Variants in GRIP1 observed in about 807,000 individuals in gnomAD.
GRIP1 encodes glutamate receptor-interacting protein 1.
Under a neutral mutation model 129.9 loss-of-function variants are expected in GRIP1, and 45 were observed. The observed-to-expected ratio is 0.35, with a 90% CI of 0.27 to 0.44. GRIP1 has a LOEUF of 0.44. Among genes scored for constraint, GRIP1 ranks in the 20% least tolerant of loss-of-function variants. The pLI, the probability that GRIP1 is intolerant of heterozygous loss-of-function variation, is 1.00. For missense variants in GRIP1, 1,196 were observed against 1,396.8 expected, an observed-to-expected ratio of 0.86 and a Z score of 2.29; for synonymous variants, 530 against 520.8, an observed-to-expected ratio of 1.02 and a Z score of -0.24.
At chr12:66,623,494 A>G (rs986474329) in intron 1 of GRIP1, among the ~76,000 whole-genome samples, 1 of 152,138 alleles carries the variant, frequency 6.6e-6, no homozygotes, top group African/African-American at 2.4e-5. Flanking sequence ...GAAACAATAT[A>G]TACTTGAACA....
At chr12:66,687,120 T>C (rs537298554) in intron 1 of GRIP1, among the ~76,000 whole-genome samples, 1 of 152,142 alleles carries the variant, frequency 6.6e-6, no homozygotes, top group South Asian at 2.1e-4. Context: ...CAATAAAGCC[T>C]CCTCAATTCT....
chr12:66,828,262 G>T (rs1328742277), intron 1 of GRIP1, among the ~76,000 whole-genome samples: 4 of 152,160 alleles, frequency 2.6e-5, no homozygotes, highest in Non-Finnish European at 1.5e-5. Context: ...ATAGTATTAG[G>T]TTAAAGAGAG....
chr12:66,812,908 T>C (rs1048688500), intron 1 of GRIP1, among the ~76,000 whole-genome samples: 1 of 152,184 alleles, frequency 6.6e-6, no homozygotes, highest in Non-Finnish European at 1.5e-5. Flanking sequence ...ACACTAAATC[T>C]GATTCATTTA....
intron 1 of GRIP1, among the ~76,000 whole-genome samples, chr12:66,824,936 A>C (rs1405600422): frequency 6.6e-6 from 1 of 152,128 alleles, no homozygotes; most frequent in Non-Finnish European, 1.5e-5. Flanking sequence ...TTTTGGTAAA[A>C]GTTTCCAAGA....
chr12:66,388,832 G>T (rs1348701528), intron 19 of GRIP1, among the ~76,000 whole-genome samples: 1 of 152,182 alleles, frequency 6.6e-6, no homozygotes, highest in Non-Finnish European at 1.5e-5. Flanking sequence ...CTTCAGCTGG[G>T]TAACCTCTTC....
chr12:67,004,588 G>A (rs2042599906), intron 1 of GRIP1, among the ~76,000 whole-genome samples: 1 of 152,064 alleles, frequency 6.6e-6, no homozygotes, highest in South Asian at 2.1e-4. Context: ...AGAAAGGAAG[G>A]AAGTACAACA....
intron 1 of GRIP1, among the ~76,000 whole-genome samples, chr12:66,888,185 A>G (rs2040597442): frequency 6.6e-6 from 1 of 151,824 alleles, no homozygotes; most frequent in Non-Finnish European, 1.5e-5. Context: ...CCTCCTGAGT[A>G]GCTGGAACCA....
At chr12:66,654,814 G>A (rs1244389986) in intron 1 of GRIP1, among the ~76,000 whole-genome samples, 2 of 152,174 alleles carry the variant, frequency 1.3e-5, no homozygotes, top group Non-Finnish European at 2.9e-5. Flanking sequence ...ATAAGGAACA[G>A]ATTGGGTTAG....
intron 1 of GRIP1, among the ~76,000 whole-genome samples, chr12:67,029,813 A>AT (rs1036513049): frequency 6.6e-6 from 1 of 151,868 alleles, no homozygotes; most frequent in Non-Finnish European, 1.5e-5. Context: ...CTATTTTAGT[A>AT]TTTTTTTGTA....
chr12:67,058,180 A>C (rs966521833), intron 1 of GRIP1, among the ~76,000 whole-genome samples: 27 of 152,234 alleles, frequency 1.8e-4, no homozygotes, highest in African/African-American at 5.3e-4. Flanking sequence ...TACCTATCAC[A>C]TTACTGTGTT....
intron 1 of GRIP1, among the ~76,000 whole-genome samples, chr12:66,658,320 A>G (rs2033289366): frequency 6.6e-6 from 1 of 152,214 alleles, no homozygotes; most frequent in African/African-American, 2.4e-5. Context: ...CAGCTAGAAA[A>G]GATCCTTGTA....
chr12:66,794,687 T>C (rs1383111644), intron 1 of GRIP1, among the ~76,000 whole-genome samples: 5 of 152,204 alleles, frequency 3.3e-5, no homozygotes, highest in Admixed American at 2.0e-4. Context: ...TTGTTAGAGA[T>C]ATTAAATTTA....
intron 1 of GRIP1, among the ~76,000 whole-genome samples, chr12:66,835,177 G>A (rs2039591158): frequency 6.6e-6 from 1 of 152,036 alleles, no homozygotes; most frequent in Non-Finnish European, 1.5e-5. Flanking sequence ...CAAAACAACA[G>A]ATACTTCAAC....
chr12:66,495,164 T>C (rs2060202249), intron 7 of GRIP1, among the ~76,000 whole-genome samples: 1 of 152,218 alleles, frequency 6.6e-6, no homozygotes, highest in African/African-American at 2.4e-5. Flanking sequence ...AAAATTACTT[T>C]CTTTACTTGG....
chr12:66,985,216 G>A (rs1362016256), intron 1 of GRIP1, among the ~76,000 whole-genome samples: 1 of 152,096 alleles, frequency 6.6e-6, no homozygotes, highest in Non-Finnish European at 1.5e-5. Flanking sequence ...ACTGGCCAAG[G>A]CAGTCACAAA....
intron 1 of GRIP1, among the ~76,000 whole-genome samples, chr12:66,646,513 A>G (rs1158509315): frequency 1.3e-5 from 2 of 152,184 alleles, no homozygotes; most frequent in African/African-American, 4.8e-5. Flanking sequence ...AGTCCCAGTG[A>G]CTTGGGAGGC....
chr12:66,868,570 C>A lies in GRIP1; in HGVS notation c.58+200480G>T, dbSNP rs116893923. Among the ~76,000 whole-genome samples, 78 of 152,084 alleles carry A rather than the reference C, an allele frequency of 5.1e-4. 2 individuals carry two copies. The East Asian group carries it at 7.9e-3, about 15-fold the overall frequency. On this transcript the variant is annotated intron_variant, in intron 1 of 1. Transcript: ENST00000643019. ...TACTCCAAAGCTTCTCATTTTTCTA[C>A]CGTGCCACTCCAAGAACAGAAAAAT...
rs545787838 is a variant in GRIP1, at chr12:66,578,423, C to T, written c.136+18424G>A. Among the ~76,000 whole-genome samples, 23 of 151,144 alleles carry T rather than the reference C, an allele frequency of 1.5e-4. No homozygotes were observed. The South Asian group carries it at 1.7e-3, about 11-fold the overall frequency. ...AGTGGGTGCAGGTCAGTGGGTGCAGCGCACCGTGCGCGAGCCAAAGCAGGG... is the reference window on the plus strand; with the variant it reads ...AGTGGGTGCAGGTCAGTGGGTGCAGTGCACCGTGCGCGAGCCAAAGCAGGG... On this transcript the variant is annotated intron_variant, in intron 2 of 24. Coordinates refer to ENST00000359742, the MANE Select transcript of GRIP1 (RefSeq NM_001366722.1).
At chr12:66,705,235 G>A (rs963940630) in intron 1 of GRIP1, among the ~76,000 whole-genome samples, 5 of 151,968 alleles carry the variant, frequency 3.3e-5, no homozygotes, top group African/African-American at 1.2e-4. Context: ...TTCACCCACT[G>A]AACTAAAAGT....
Sources: allele counts gnomAD v4.1 joint callset (sites outside exome capture counted in the v4.1 genomes callset), GRCh38; gene constraint gnomAD v4.1.1; transcripts MANE v1.5; gene names NCBI Gene and HGNC (gene_info 2026-07-23, HGNC 2026-07-21).